ATP10B: variants seen among roughly 807,000 people sequenced by gnomAD.
ATP10B encodes the protein ATPase phospholipid transporting 10B (putative).
ATP10B carries 122 observed loss-of-function variants against 141.2 expected under a neutral mutation model. The ratio of observed to expected loss-of-function variants is 0.86; its 90% CI spans 0.75 to 1.00. ATP10B has a LOEUF of 1.00. Among genes scored for constraint, ATP10B ranks in the 50% least tolerant of loss-of-function variants. ATP10B has a pLI of 0.00. For synonymous variants in ATP10B, 685 were observed against 692.0 expected (o/e 0.99, Z 0.16); for missense variants, 1,876 against 1,825.3 (o/e 1.03, Z -0.51).
chr5:160,573,445 A>C (rs1755001110), intron 24 of ATP10B, among the ~76,000 whole-genome samples: 1 of 152,158 alleles, frequency 6.6e-6, no homozygotes. Flanking sequence ...TTATACTTTA[A>C]AGAAGAGGGG....
chr5:160,632,920 C>T (rs1047767880), intron 12 of ATP10B: 2 of 151,958 alleles, frequency 1.3e-5, no homozygotes, highest in East Asian at 1.9e-4. Flanking sequence ...TATGAACAGA[C>T]ACTTCTCAAA....
chr5:160,607,164 T>C, intron 18 of ATP10B, 78 bp from the exon 19 acceptor site: 1 of 1,250,526 alleles, frequency 8.0e-7, no homozygotes, highest in South Asian at 1.5e-5. Context: ...TATTCTTTAG[T>C]AAGATAGTCA....
chr5:160,917,385 C>T, the ATP10B span, among the ~76,000 whole-genome samples: 3 of 150,894 alleles, frequency 2.0e-5, no homozygotes, highest in South Asian at 2.1e-4. Flanking sequence ...CAAGGCTTTC[C>T]CTGGGCTACC....
intron 2 of ATP10B, among the ~76,000 whole-genome samples, chr5:160,738,507 C>T (rs547616754): frequency 1.2e-4 from 18 of 149,986 alleles, no homozygotes; most frequent in Non-Finnish European, 2.2e-4. Flanking sequence ...ATTGATACGC[C>T]ACTATTTAAT....
rs202108851 is a variant in ATP10B, at chr5:160,644,913, C to T, written c.762-669G>A. 4.3e-4 allele frequency among the ~76,000 whole-genome samples: 65 copies of T among 152,050 alleles called. No homozygotes were observed. In the East Asian group the frequency reaches 0.011, roughly 26 times the overall value. ...CAGGTGGATCATGAGGTCAGGAGTT[C>T]GAGACCAGCCTGGCCAACATGGTGA... On this transcript the variant is annotated intron_variant, in intron 8 of 25. Coordinates refer to ENST00000327245, the MANE Select transcript of ATP10B (RefSeq NM_025153.3).
chr5:160,874,360 C>T, the ATP10B span, among the ~76,000 whole-genome samples: 5 of 152,080 alleles, frequency 3.3e-5, no homozygotes, highest in Non-Finnish European at 5.9e-5. Context: ...ACAGAAAGGA[C>T]ATCCACACCA....
At chr5:160,668,702 A>G (rs1762474668) in intron 7 of ATP10B, among the ~76,000 whole-genome samples, 2 of 152,238 alleles carry the variant, frequency 1.3e-5, no homozygotes. Flanking sequence ...CTGCAGCCTC[A>G]GTAGCAGCAA....
intron 1 of ATP10B, among the ~76,000 whole-genome samples, chr5:160,805,740 T>A (rs1772725319): frequency 6.6e-6 from 1 of 152,194 alleles, no homozygotes; most frequent in African/African-American, 2.4e-5. Flanking sequence ...GTTTGACTGC[T>A]GTTTATGTGT....
chr5:160,634,640 C>T (rs1561675165), intron 11 of ATP10B, 34 bp from the exon 12 acceptor site: 3 of 1,561,492 alleles, frequency 1.9e-6, no homozygotes, highest in Admixed American at 1.9e-5. Flanking sequence ...ATTCAGAAAC[C>T]AGGCAGGTTC....
chr5:160,625,971 G>A (rs934359662), intron 13 of ATP10B, among the ~76,000 whole-genome samples: 1 of 152,214 alleles, frequency 6.6e-6, no homozygotes, highest in African/African-American at 2.4e-5. Flanking sequence ...TCCTGCAGGT[G>A]CCAGGAACAG....
At chr5:160,768,682 G>A (rs531530935) in intron 2 of ATP10B, among the ~76,000 whole-genome samples, 46 of 152,322 alleles carry the variant, frequency 3.0e-4, no homozygotes, top group African/African-American at 1.1e-3. Flanking sequence ...CAGCATCGTA[G>A]TTTTATAGCC....
the ATP10B span, among the ~76,000 whole-genome samples, chr5:160,888,571 A>C: frequency 1.3e-5 from 2 of 152,210 alleles, no homozygotes; most frequent in Non-Finnish European, 2.9e-5. Context: ...ATCTAGAAGG[A>C]CCGTTCTTCT....
the ATP10B span, among the ~76,000 whole-genome samples, chr5:160,916,907 T>C: frequency 6.6e-6 from 1 of 152,220 alleles, no homozygotes; most frequent in South Asian, 2.1e-4. Context: ...TCGTGTGGTT[T>C]ACAGCATGCT....
chr5:160,714,872 C>T (rs1163975225), intron 3 of ATP10B, among the ~76,000 whole-genome samples: 2 of 147,362 alleles, frequency 1.4e-5, no homozygotes, highest in African/African-American at 5.2e-5. Context: ...GAATACCCTG[C>T]CGTGTGAGGT....
At chr5:160,667,110 C>T (rs1012624552) in intron 7 of ATP10B, among the ~76,000 whole-genome samples, 3 of 152,104 alleles carry the variant, frequency 2.0e-5, no homozygotes, top group Middle Eastern at 3.4e-3. Flanking sequence ...CCCAGCTACT[C>T]GGGAGGCTGA....
intron 6 of ATP10B, among the ~76,000 whole-genome samples, chr5:160,673,022 G>A (rs1762808367): frequency 6.6e-6 from 1 of 152,216 alleles, no homozygotes; most frequent in Admixed American, 6.5e-5. Flanking sequence ...TGGAATTGGG[G>A]AGCAACTTTA....
intron 2 of ATP10B, among the ~76,000 whole-genome samples, chr5:160,726,082 A>G (rs1295170334): frequency 6.6e-6 from 1 of 152,150 alleles, no homozygotes; most frequent in Non-Finnish European, 1.5e-5. Flanking sequence ...AGGAAGCATC[A>G]GGAAAGCCAC....
chr5:160,629,781 G>A (rs1377332207), intron 13 of ATP10B, among the ~76,000 whole-genome samples: 2 of 152,198 alleles, frequency 1.3e-5, no homozygotes, highest in African/African-American at 4.8e-5. Flanking sequence ...GCCCACCAAA[G>A]TCACAGAGCT....
chr5:160,564,277 G>T lies in ATP10B; in HGVS notation c.*1176C>A, dbSNP rs1375718630. On this transcript the variant is annotated 3_prime_UTR_variant, in exon 26 of 26. Transcript: ENST00000327245. ...ACAGCAGACCTGGCTTCTTTGGACA[G>T]CCTATTAAAATTCTACTGTTCATTC... is the stretch of plus-strand genomic sequence containing the variant. 1 of 152,194 alleles carries T rather than the reference G, an allele frequency of 6.6e-6. No individual in the cohort carries two copies. The highest frequency in any genetic ancestry group is 1.5e-5 in the Non-Finnish European group (1 of 68,038). 9.4% of individuals were successfully genotyped at this position (152,194 alleles called of 1,614,324 possible).
Sources: gnomAD v4.1 joint callset for allele counts (sites outside exome capture counted in the v4.1 genomes callset) on GRCh38, gnomAD v4.1.1 for gene constraint, MANE v1.5 for transcripts, NCBI Gene and HGNC (gene_info 2026-07-23, HGNC 2026-07-21) for gene names.